The following ERCC6L2 variants were observed in gnomAD, a reference collection of about 807,000 sequenced individuals.
ERCC6L2 encodes ERCC excision repair 6 like 2.
ERCC6L2 carries 77 observed loss-of-function variants against 132.0 expected under a neutral mutation model. The observed-to-expected ratio is 0.58, with a 90% CI of 0.49 to 0.71. The LOEUF is 0.71. Among genes scored for constraint, ERCC6L2 ranks in the 30% least tolerant of loss-of-function variants. The pLI, the probability that ERCC6L2 is intolerant of heterozygous loss-of-function variation, is 0.00. For synonymous variants in ERCC6L2, 583 were observed against 632.4 expected (o/e 0.92, Z 1.17); for missense variants, 1,542 against 1,837.6 (o/e 0.84, Z 2.94).
chr9:95,943,958 T>C (rs1830929701), intron 12 of ERCC6L2, among the ~76,000 whole-genome samples: 1 of 152,176 alleles, frequency 6.6e-6, no homozygotes, highest in Admixed American at 6.5e-5. Context: ...AACAGCATGG[T>C]GGTTCCTCAA....
chr9:95,912,205 T>C (rs1829374329), intron 4 of ERCC6L2, among the ~76,000 whole-genome samples: 1 of 152,220 alleles, frequency 6.6e-6, no homozygotes, highest in Non-Finnish European at 1.5e-5. Context: ...CACTAGTCTC[T>C]GCTTTTGTCA....
chr9:95,917,981 A>G (rs1025882669), intron 6 of ERCC6L2, among the ~76,000 whole-genome samples: 2 of 152,048 alleles, frequency 1.3e-5, no homozygotes, highest in African/African-American at 2.4e-5. Context: ...TTTTTCTTAT[A>G]TGTACTTTTA....
downstream of ERCC6L2, among the ~76,000 whole-genome samples, chr9:96,022,651 G>A (rs80041084): frequency 4.1e-3 from 632 of 152,332 alleles, 9 homozygotes; most frequent in East Asian, 0.035. Context: ...CCAGACGGCA[G>A]CGAGTGTCTG....
chr9:95,895,801 A>C (rs1828426795), intron 2 of ERCC6L2, among the ~76,000 whole-genome samples: 1 of 144,824 alleles, frequency 6.9e-6, no homozygotes. Flanking sequence ...ATCTCGGCTC[A>C]CTGCAAACTC....
rs1468045829 is a variant in ERCC6L2, at chr9:96,007,572, G to A, written c.3674+2871G>A. Among the ~76,000 whole-genome samples, 6 of 152,342 alleles carry A rather than the reference G, an allele frequency of 3.9e-5. No homozygotes were observed. The East Asian group carries it at 7.7e-4, about 20-fold the overall frequency. On this transcript the variant is annotated intron_variant, in intron 18 of 18. Coordinates refer to ENST00000653738, the MANE Select transcript of ERCC6L2 (RefSeq NM_020207.7). Reference sequence around the variant, plus strand: ...AAAAGAATGGTCTGGAAGCAGCATTGTCTAGAAGCACTAACCCTGAGGTTG... The same window carrying A: ...AAAAGAATGGTCTGGAAGCAGCATTATCTAGAAGCACTAACCCTGAGGTTG...
chr9:95,943,964 C>T (rs1830930537), intron 12 of ERCC6L2, among the ~76,000 whole-genome samples: 1 of 152,106 alleles, frequency 6.6e-6, no homozygotes, highest in South Asian at 2.1e-4. Context: ...ATGGTGGTTC[C>T]TCAAAAAATT....
At position 96,004,720 on chromosome 9, in the gene ERCC6L2, T is replaced by C. The variant is rs1833806308; in HGVS notation, c.3674+19T>C. ...TCCGCAGGTATATTGTCTCTGACAA[T>C]ACTATACTTGAAGAATAATTCTCAA... On this transcript the variant is annotated intron_variant, in intron 18 of 18. Transcript: ENST00000653738. 7.7e-7 allele frequency: 1 copy of C among 1,298,148 alleles called. No individual in the cohort carries two copies. Among genetic ancestry groups the C allele is most frequent in the Non-Finnish European group, 1.0e-6 (1 of 977,356 alleles). 80.4% of individuals were successfully genotyped at this position (1,298,148 alleles called of 1,614,324 possible).
chr9:95,957,279 C>T (rs529697609), intron 13 of ERCC6L2, among the ~76,000 whole-genome samples: 1 of 152,264 alleles, frequency 6.6e-6, no homozygotes, highest in South Asian at 2.1e-4. Context: ...ACATCTGCCA[C>T]ATGTGTTGGT....
intron 17 of ERCC6L2, among the ~76,000 whole-genome samples, chr9:95,986,497 C>CTTTTTTTTT (rs57381408): frequency 8.6e-6 from 1 of 116,250 alleles, no homozygotes. Context: ...TATCTCTCTC[C>CTTTTTTTTT]TTTTTTTTTT....
At chr9:95,928,226 A>G (rs1447340333) in intron 10 of ERCC6L2, 76 bp downstream of exon 10, 13 of 941,816 alleles carry the variant, frequency 1.4e-5, no homozygotes, top group Non-Finnish European at 2.2e-5. Context: ...ATATGCCTAC[A>G]TGACACCTTA....
intron 18 of ERCC6L2, among the ~76,000 whole-genome samples, chr9:96,006,172 T>C (rs1181684244): frequency 6.6e-6 from 1 of 152,180 alleles, no homozygotes; most frequent in East Asian, 1.9e-4. Context: ...TCTTCAGAAC[T>C]GTGAGACTAT....
intron 4 of ERCC6L2, among the ~76,000 whole-genome samples, chr9:95,913,424 T>C (rs1325995242): frequency 1.3e-5 from 2 of 152,156 alleles, no homozygotes; most frequent in African/African-American, 4.8e-5. Context: ...TGGCAAAGTT[T>C]CTTACACCCT....
At chr9:95,945,166 G>A (rs1011159511) in intron 12 of ERCC6L2, among the ~76,000 whole-genome samples, 3 of 152,088 alleles carry the variant, frequency 2.0e-5, no homozygotes, top group East Asian at 3.9e-4. Context: ...CACCTGAAGC[G>A]GCCATTTCAG....
intron 17 of ERCC6L2, among the ~76,000 whole-genome samples, chr9:95,988,430 C>G (rs1833175558): frequency 6.6e-6 from 1 of 152,156 alleles, no homozygotes; most frequent in East Asian, 1.9e-4. Flanking sequence ...GTATCGGAGT[C>G]AAATTTCAGT....
At chr9:95,890,617 A>G (rs1339771916) in intron 2 of ERCC6L2, among the ~76,000 whole-genome samples, 1 of 152,240 alleles carries the variant, frequency 6.6e-6, no homozygotes, top group East Asian at 1.9e-4. Context: ...ACAAGATCAT[A>G]TGCAAGAAAC....
intron 17 of ERCC6L2, among the ~76,000 whole-genome samples, chr9:95,981,098 C>T (rs1832873826): frequency 6.6e-6 from 1 of 152,066 alleles, no homozygotes; most frequent in Admixed American, 6.6e-5. Flanking sequence ...ATAACAGTTG[C>T]CACAGTGTAC....
intron 12 of ERCC6L2, 62 bp from the exon 13 acceptor site, chr9:95,955,849 AAGT>A: frequency 1.2e-6 from 1 of 815,492 alleles, no homozygotes; most frequent in Non-Finnish European, 1.9e-6. Context: ...TTATGTCCCC[AAGT>A]TACCTCTTCA....
chr9:95,932,658 A>G (rs1452699425), intron 11 of ERCC6L2, among the ~76,000 whole-genome samples: 1 of 152,174 alleles, frequency 6.6e-6, no homozygotes, highest in African/African-American at 2.4e-5. Context: ...CATTGTTCAA[A>G]TGGATACTTC....
chr9:95,988,882 C>G (rs561620777), intron 17 of ERCC6L2, among the ~76,000 whole-genome samples: 1 of 152,320 alleles, frequency 6.6e-6, no homozygotes, highest in East Asian at 1.9e-4. Context: ...GTCACAAGAC[C>G]CAGTTTGTTT....
Sources: gnomAD v4.1 joint callset for allele counts (sites outside exome capture counted in the v4.1 genomes callset) on GRCh38, gnomAD v4.1.1 for gene constraint, MANE v1.5 for transcripts, NCBI Gene and HGNC (gene_info 2026-07-23, HGNC 2026-07-21) for gene names.